ABHD6: variants seen among roughly 807,000 people sequenced by gnomAD.
The protein encoded by ABHD6 is abhydrolase domain containing 6, acylglycerol lipase.
In ABHD6, 33 loss-of-function variants were observed where a neutral mutation model predicts 38.8. That is an observed-to-expected ratio of 0.85 (90% confidence interval 0.64 to 1.14). The LOEUF is 1.14. Among genes scored for constraint, ABHD6 ranks in the 50% most tolerant of loss-of-function variants. The probability of loss-of-function intolerance (pLI) is 0.00; values close to 1 mark genes in which losing one functional copy is unlikely to be tolerated. For missense variants in ABHD6, 380 were observed against 422.6 expected (o/e 0.90, Z 0.88); for synonymous variants, 147 against 161.6 (o/e 0.91, Z 0.69).
Position 58,285,218 on chromosome 3 carries a change from T to C in ABHD6, c.736+79T>C. On this transcript the variant is annotated intron_variant, in intron 8 of 9. Transcript: ENST00000478253. This position sits in a 1 kb window ranked among gnomAD's most constrained non-coding sequence, Gnocchi z 4.9. ...GGATGGCTTTTATTTCTTAAATCTC[T>C]GACACTTTGAATGTCTCTTTGGGCC... 3 of 1,553,592 alleles carry C rather than the reference T, an allele frequency of 1.9e-6. No homozygotes were observed. The highest frequency in any genetic ancestry group is 2.7e-6 in the Non-Finnish European group (3 of 1,125,022).
intron 1 of ABHD6, among the ~76,000 whole-genome samples, chr3:58,247,238 A>G (rs1350999749): frequency 1.3e-5 from 2 of 151,984 alleles, no homozygotes; most frequent in Non-Finnish European, 2.9e-5. Context: ...CCTGGGCTCA[A>G]AGTGATCCTC....
chr3:58,271,963 G>T (rs901240414), intron 6 of ABHD6, among the ~76,000 whole-genome samples: 1 of 151,520 alleles, frequency 6.6e-6, no homozygotes, highest in African/African-American at 2.4e-5. Flanking sequence ...GTGGAGTTTC[G>T]CAATGTTGGC....
intron 2 of ABHD6, among the ~76,000 whole-genome samples, chr3:58,252,240 T>TTG (rs1553718257): frequency 6.9e-6 from 1 of 144,440 alleles, no homozygotes; most frequent in Non-Finnish European, 1.5e-5. Flanking sequence ...TTTTTTTTTT[T>TTG]TTTTTTTTTT....
At chr3:58,252,356 G>A (rs1337763460) in intron 2 of ABHD6, among the ~76,000 whole-genome samples, 1 of 147,168 alleles carries the variant, frequency 6.8e-6, no homozygotes, top group Admixed American at 7.0e-5. Flanking sequence ...TGAGACTACA[G>A]GCGCATGCCA....
intron 9 of ABHD6, among the ~76,000 whole-genome samples, chr3:58,291,780 C>G (rs1313335885): frequency 6.6e-6 from 1 of 152,086 alleles, no homozygotes; most frequent in African/African-American, 2.4e-5. Flanking sequence ...TGATATCTCT[C>G]CAGGATAGAC....
chr3:58,244,787 T>A (rs1309683766), intron 1 of ABHD6, among the ~76,000 whole-genome samples: 1 of 151,970 alleles, frequency 6.6e-6, no homozygotes, highest in Non-Finnish European at 1.5e-5. Flanking sequence ...AGCACAGAAA[T>A]GTAATTGTAA....
chr3:58,275,119 T>A (rs2097447843), intron 7 of ABHD6, among the ~76,000 whole-genome samples: 1 of 152,148 alleles, frequency 6.6e-6, no homozygotes, highest in African/African-American at 2.4e-5. Context: ...GTGTAGTGAT[T>A]GAATACGGGG....
At chr3:58,244,018 A>G (rs561269940) in intron 1 of ABHD6, among the ~76,000 whole-genome samples, 79 of 152,192 alleles carry the variant, frequency 5.2e-4, no homozygotes, top group Non-Finnish European at 8.1e-4. Flanking sequence ...GTGCAAAGTT[A>G]AGTCCTACTT....
chr3:58,248,832 AT>A (rs913204601), intron 1 of ABHD6, among the ~76,000 whole-genome samples: 6 of 152,186 alleles, frequency 3.9e-5, no homozygotes, highest in Non-Finnish European at 7.3e-5. Flanking sequence ...GAGAGCATCT[AT>A]TTTTCCATAG....
chr3:58,240,804 C>T (rs902030307), intron 1 of ABHD6, among the ~76,000 whole-genome samples: 1 of 149,364 alleles, frequency 6.7e-6, no homozygotes, highest in African/African-American at 2.5e-5. Flanking sequence ...GATCTCGGCT[C>T]ACCGCAACCT....
intron 9 of ABHD6, among the ~76,000 whole-genome samples, chr3:58,292,413 G>A (rs917595047): frequency 6.6e-6 from 1 of 152,174 alleles, no homozygotes; most frequent in African/African-American, 2.4e-5. Flanking sequence ...GAGTGAATGC[G>A]GATCCACTTC....
rs1211900574 is a variant in ABHD6 at position 58,263,339 on chromosome 3, G to C, written c.120-3850G>C. ...CGGGAGGTGGAGGTTGCAGTGAACT[G>C]AGATTGCGCCACTGCACTCCAGCCT... On this transcript the variant is annotated intron_variant, in intron 3 of 9. Coordinates refer to ENST00000478253, the MANE Select transcript of ABHD6 (RefSeq NM_001320126.2). The surrounding 1 kb of genome is among the most constrained non-coding windows in gnomAD (Gnocchi z 4.9). Among the ~76,000 whole-genome samples the C allele has an allele frequency of 6.6e-6, 1 of 151,462 alleles. No individual in the cohort carries two copies. The highest frequency in any genetic ancestry group is 1.5e-5 in the Non-Finnish European group (1 of 67,956).
Position 58,266,485 on chromosome 3 carries a change from T to G in ABHD6, c.120-704T>G, listed in dbSNP as rs1289157712. On this transcript the variant is annotated intron_variant, in intron 3 of 9. Coordinates refer to ENST00000478253, the MANE Select transcript of ABHD6 (RefSeq NM_001320126.2). This position sits in a 1 kb window ranked among gnomAD's most constrained non-coding sequence, Gnocchi z 4.0. ...ACAACAAAAAAAAAAACCTTATGTA[T>G]GCTCTCACATTTTTTGTATGCGGAT... Among the ~76,000 whole-genome samples, 3 of 151,570 alleles carry G rather than the reference T, an allele frequency of 2.0e-5. No homozygotes were observed. Among genetic ancestry groups the G allele is most frequent in the African/African-American group, 7.3e-5 (3 of 41,236 alleles).
At chr3:58,258,999 T>C (rs1269876627) in intron 3 of ABHD6, among the ~76,000 whole-genome samples, 1 of 152,194 alleles carries the variant, frequency 6.6e-6, no homozygotes, top group Non-Finnish European at 1.5e-5. Flanking sequence ...GGATGACCCC[T>C]GACATGGAGA....
intron 1 of ABHD6, among the ~76,000 whole-genome samples, chr3:58,239,126 C>T (rs1378856901): frequency 6.6e-6 from 1 of 152,044 alleles, no homozygotes; most frequent in Non-Finnish European, 1.5e-5. Context: ...CAACCGCCCC[C>T]CCAACCCGAC....
At chr3:58,241,413 G>T (rs541264410) in intron 1 of ABHD6, among the ~76,000 whole-genome samples, 9 of 152,150 alleles carry the variant, frequency 5.9e-5, no homozygotes, top group Non-Finnish European at 1.3e-4. Flanking sequence ...CGGCTCTCTG[G>T]TGCTGTACCA....
In ABHD6 at chr3:58,290,480, C is replaced by A. The variant is rs1170977358; in HGVS notation, c.838-3109C>A. Among the ~76,000 whole-genome samples the A allele has an allele frequency of 1.6e-5, 2 of 128,134 alleles. 1 individual carries two copies. The highest frequency in any genetic ancestry group is 6.0e-5 in the African/African-American group (2 of 33,130). The allele number at this position is 128,134 out of a possible 152,430, so 84.1% of individuals were successfully genotyped here. A position where few individuals can be genotyped will look rare whatever the true frequency, so the allele number is the denominator to read the frequency against. On this transcript the variant is annotated intron_variant, in intron 9 of 9. Transcript: ENST00000478253. ...TGGCCGGGCGGGGGGCTGACCCCCCCACCTCCCTCCCGGACGGGGCGGCTG... is the reference window on the plus strand; with the variant it reads ...TGGCCGGGCGGGGGGCTGACCCCCCAACCTCCCTCCCGGACGGGGCGGCTG...
intron 6 of ABHD6, among the ~76,000 whole-genome samples, chr3:58,271,766 G>GTTTGT (rs2097445101): frequency 6.3e-5 from 4 of 63,620 alleles, no homozygotes; most frequent in Non-Finnish European, 1.0e-4. Context: ...CCCTCTCTCT[G>GTTTGT]TTTTTTTTTT....
chr3:58,272,097 C>T (rs942956465), intron 6 of ABHD6, among the ~76,000 whole-genome samples: 2 of 152,112 alleles, frequency 1.3e-5, no homozygotes, highest in African/African-American at 4.8e-5. Flanking sequence ...CCACCGCACC[C>T]GGCCTCTCTC....
Sources: allele counts gnomAD v4.1 joint callset (sites outside exome capture counted in the v4.1 genomes callset), GRCh38; gene constraint gnomAD v4.1.1; non-coding constraint Gnocchi (gnomAD v3.1); transcripts MANE v1.5; gene names NCBI Gene and HGNC (gene_info 2026-07-23, HGNC 2026-07-21).